The following MUC13 variants were observed in gnomAD, a reference collection of about 807,000 sequenced individuals.
MUC13 encodes the protein mucin 13, cell surface associated, also known as mucin-13.
A neutral mutation model predicts 48.3 loss-of-function variants in MUC13; 32 were observed. That is an observed-to-expected ratio of 0.66 (90% CI 0.50 to 0.89). The LOEUF (loss-of-function observed/expected upper bound fraction) is 0.89. Ranked by LOEUF, MUC13 falls within the 40% of genes least tolerant of loss-of-function variation. The probability of loss-of-function intolerance (pLI) is 0.00; values close to 1 mark genes in which losing one functional copy is unlikely to be tolerated. For missense variants in MUC13, 571 were observed against 622.8 expected, an observed-to-expected ratio of 0.92 and a Z score of 0.88; for synonymous variants, 199 against 224.9, an observed-to-expected ratio of 0.88 and a Z score of 1.03.
Position 124,911,926 on chromosome 3 carries a change from T to C in MUC13, c.1252+178A>G, listed in dbSNP as rs530412164. On this transcript the variant is annotated intron_variant, in intron 9 of 11. Coordinates refer to ENST00000616727, the MANE Select transcript of MUC13 (RefSeq NM_033049.4). ...TCTATGGCAGAGGGGCTGCTGTTCA[T>C]AACCTAAGGGTGGGCATGGCATGGC... 7.9e-5 allele frequency among the ~76,000 whole-genome samples: 12 copies of C among 152,282 alleles called. No individual in the cohort carries two copies. The South Asian group carries it at 2.5e-3, about 32-fold the overall frequency.
intron 2 of MUC13, among the ~76,000 whole-genome samples, chr3:124,927,305 C>T (rs1402288000): frequency 6.6e-6 from 1 of 152,050 alleles, no homozygotes; most frequent in African/African-American, 2.4e-5. Flanking sequence ...TAGCAAATAA[C>T]TTGAGGTAGG....
intron 8 of MUC13, chr3:124,912,350 G>T (rs920949538): frequency 4.7e-6 from 3 of 644,520 alleles, no homozygotes; most frequent in African/African-American, 3.7e-5. Context: ...AGGGGGGTAC[G>T]CAATCTCATG....
intron 2 of MUC13, among the ~76,000 whole-genome samples, chr3:124,924,289 T>C (rs1461174667): frequency 6.6e-6 from 1 of 152,116 alleles, no homozygotes; most frequent in Non-Finnish European, 1.5e-5. Context: ...CTGCAATGGG[T>C]TCTACACTGT....
intron 8 of MUC13, 116 bp from the exon 9 acceptor site, chr3:124,912,257 CT>C (rs1317976816): frequency 6.8e-7 from 1 of 1,461,438 alleles, no homozygotes; most frequent in African/African-American, 1.4e-5. Flanking sequence ...TCTGTCCTCC[CT>C]TGCTTTTTTT....
intron 5 of MUC13, among the ~76,000 whole-genome samples, chr3:124,917,075 C>T (rs1011093077): frequency 1.3e-5 from 2 of 152,044 alleles, no homozygotes; most frequent in African/African-American, 2.4e-5. Context: ...GAAACATGAG[C>T]AAATCCTACC....
In MUC13 at chr3:124,920,370, A is replaced by G. The variant is rs1017305606; in HGVS notation, c.745-81T>C. The G allele has an allele frequency of 3.7e-6, 4 of 1,084,638 alleles. No homozygotes were observed. The African/African-American group carries it at 6.4e-5, about 17-fold the overall frequency. 67.2% of individuals were successfully genotyped at this position (1,084,638 alleles called of 1,614,324 possible). ...CTACAAATCAAATGAGGCAGAAAAA[A>G]ATAATGCTCTATCTAGCTTTTAACA... On this transcript the variant is annotated intron_variant, in intron 4 of 11. Transcript: ENST00000616727.
chr3:124,918,462 T>C (rs1935542038), intron 5 of MUC13, among the ~76,000 whole-genome samples: 1 of 152,190 alleles, frequency 6.6e-6, no homozygotes, highest in South Asian at 2.1e-4. Context: ...GGACCAGCTG[T>C]CCATCACACT....
chr3:124,922,591 C>CTTAT (rs1935617225), intron 3 of MUC13, among the ~76,000 whole-genome samples: 1 of 85,452 alleles, frequency 1.2e-5, no homozygotes, highest in African/African-American at 4.7e-5. Context: ...GTTGCCTAGT[C>CTTAT]TTTTTTTTTT....
At position 124,911,992 on chromosome 3, in the gene MUC13, T is replaced by C. The variant is rs1172962377; in HGVS notation, c.1252+112A>G. The C allele has an allele frequency of 1.1e-5, 16 of 1,429,264 alleles. No homozygotes were observed. The East Asian group carries it at 3.5e-4, about 31-fold the overall frequency. 88.5% of individuals were successfully genotyped at this position (1,429,264 alleles called of 1,614,324 possible). A position where few individuals can be genotyped will look rare whatever the true frequency, so the allele number is the denominator to read the frequency against. On this transcript the variant is annotated intron_variant, in intron 9 of 11. Transcript: ENST00000616727. Reference sequence around the variant, plus strand: ...AACTGGAGGCAGATGGTCTCTCTCTTTATGAAAGAGGACAGAGACTTTGAA... The same window carrying C: ...AACTGGAGGCAGATGGTCTCTCTCTCTATGAAAGAGGACAGAGACTTTGAA...
chr3:124,910,593 T>C, intron 9 of MUC13, 94 bp from the exon 10 acceptor site: 1 of 1,539,442 alleles, frequency 6.5e-7, no homozygotes, highest in Non-Finnish European at 8.8e-7. Context: ...CTCCTAGCTG[T>C]GAAGACGATC....
At position 124,927,931 on chromosome 3, in the gene MUC13, T is replaced by C. The variant is rs748437701; in HGVS notation, c.115A>G (p.Thr39Ala). 5 of 1,596,454 alleles carry C rather than the reference T, an allele frequency of 3.1e-6. No individual in the cohort carries two copies. In the African/African-American group the frequency reaches 4.0e-5, roughly 13 times the overall value. The change falls in exon 2 of 12, where the codon ACA (threonine) becomes GCA (alanine). Residue 39 changes from threonine (T) to alanine (A), a missense_variant. Physicochemically the swap from Thr to Ala is moderately conservative, Grantham distance 58. Coordinates refer to ENST00000616727, the MANE Select transcript of MUC13 (RefSeq NM_033049.4). ...TTTETATSGP[T>A]VAAADTTETN... ...TCAGTGGTATCAGCTGCAGCTACTG[T>C]AGGACCACTAGTCGCAGTTTCTGTG...
chr3:124,918,982 C>T (rs1053342750), intron 5 of MUC13, among the ~76,000 whole-genome samples: 1 of 152,034 alleles, frequency 6.6e-6, no homozygotes, highest in Non-Finnish European at 1.5e-5. Flanking sequence ...TTTTAAAATA[C>T]CTCTCTGAAA....
chr3:124,928,082 C>CT (rs56396479), intron 1 of MUC13, 89 bp from the exon 2 acceptor site: 174,163 of 710,508 alleles, frequency 0.25, 5,685 homozygotes, highest in African/African-American at 0.27. Context: ...CCAACTCATT[C>CT]TTTTTTTTTT....
intron 1 of MUC13, 88 bp downstream of exon 1, chr3:124,934,573 G>C (rs1935851504): frequency 2.3e-6 from 2 of 872,528 alleles, no homozygotes; most frequent in South Asian, 2.8e-5. Flanking sequence ...GTGCTGGGCT[G>C]GGAGAATTGG....
At position 124,923,543 on chromosome 3, in the gene MUC13, A is replaced by C; in HGVS notation, c.621T>G (p.Ser207=). The change falls in exon 3 of 12, where the codon TCT becomes TCG. Residue 207 remains serine (S), a synonymous_variant. Transcript: ENST00000616727. ...CLCLEGYYYN[S]STCKKGKVFP... is the part of the protein sequence containing the mutation. ...GTAACTCACCTTTCTTACATGTAGA[A>C]GAGTTGTAGTAATACCCTTCTAAAC... The C allele has an allele frequency of 6.2e-7, 1 of 1,613,694 alleles. No homozygotes were observed. Among genetic ancestry groups the C allele is most frequent in the South Asian group, 1.1e-5 (1 of 90,946 alleles).
chr3:124,916,913 T>C (rs575180712), intron 5 of MUC13, among the ~76,000 whole-genome samples: 4 of 152,242 alleles, frequency 2.6e-5, no homozygotes, highest in Admixed American at 1.3e-4. Flanking sequence ...TCCCTCCCTC[T>C]GCATGGAGAA....
intron 1 of MUC13, among the ~76,000 whole-genome samples, chr3:124,928,692 G>GT (rs1407609341): frequency 6.6e-6 from 1 of 152,178 alleles, no homozygotes; most frequent in Non-Finnish European, 1.5e-5. Flanking sequence ...AAGAGTTAAT[G>GT]TTTTTTAAGT....
chr3:124,920,020 C>T (rs561775467), intron 5 of MUC13: 78 of 595,442 alleles, frequency 1.3e-4, no homozygotes, highest in Admixed American at 3.5e-4. Context: ...AGAATTTTGC[C>T]TTCCCCAGGC....
chr3:124,909,164 AG>A (rs1457820955), intron 10 of MUC13, among the ~76,000 whole-genome samples: 88 of 151,912 alleles, frequency 5.8e-4, no homozygotes, highest in African/African-American at 2.1e-3. Context: ...AAAAAAAAAA[AG>A]AGAAAAAACA....
Sources: gnomAD v4.1 joint callset for allele counts (sites outside exome capture counted in the v4.1 genomes callset) on GRCh38, gnomAD v4.1.1 for gene constraint, MANE v1.5 for transcripts, NCBI Gene and HGNC (gene_info 2026-07-23, HGNC 2026-07-21) for gene names.